Variants in ZP4 observed in about 807,000 individuals in gnomAD.
ZP4 encodes zona pellucida glycoprotein 4.
In ZP4, 62 loss-of-function variants were observed where a neutral mutation model predicts 62.3. The ratio of observed to expected loss-of-function variants is 0.99; its 90% CI spans 0.81 to 1.23. The LOEUF is 1.23. Ranked by LOEUF, ZP4 falls within the 50% of genes most tolerant of loss-of-function variation. The probability of loss-of-function intolerance (pLI) is 0.00; values close to 1 mark genes in which losing one functional copy is unlikely to be tolerated. For synonymous variants in ZP4, 289 were observed against 247.3 expected (o/e 1.17, Z -1.58); for missense variants, 774 against 656.0 (o/e 1.18, Z -1.97).
At position 237,882,436 on chromosome 1, in the gene ZP4, G is replaced by C. The variant is rs1558528945; in HGVS notation, c.1609C>G (p.Gln537Glu). 1.9e-6 allele frequency: 3 copies of C among 1,610,672 alleles called. No homozygotes were observed. Among genetic ancestry groups the C allele is most frequent in the East Asian group, 4.5e-5 (2 of 44,858 alleles). The part of the protein sequence containing the change: ...AVKKQKSCPD[Q>E]MCQ ...ACACTCTGGTTTTATTGACACATTT[G>C]GTCTGGGCAACTCTTCTGTTTCTTG... Residue 537 changes from glutamine to glutamate, a missense_variant, in exon 12 of 12, where the codon CAA becomes GAA. Physicochemically the swap from Gln to Glu is conservative, Grantham distance 29. Transcript: ENST00000366570.
At position 237,888,385 on chromosome 1, in the gene ZP4, C is replaced by T. The variant is rs1216894253; in HGVS notation, c.526G>A (p.Val176Met). 5.0e-6 allele frequency: 8 copies of T among 1,592,122 alleles called. No individual in the cohort carries two copies. The highest frequency in any genetic ancestry group is 1.1e-5 in the South Asian group (1 of 88,782). The change falls in exon 4 of 12, where the codon GTG (valine) becomes ATG (methionine). Residue 176 changes from valine (V) to methionine (M), a missense_variant. Transcript: ENST00000366570. ...GTGTTTCCATAGTAGCAGGAATTCA[C>T]CTCTTCAGAGCTATAACAACAGCCT... ...GLGCCYSSEE[V>M]NSCYYGNTVT...
At position 237,887,551 on chromosome 1, in the gene ZP4, A is replaced by G. The variant is rs201787607; in HGVS notation, c.564T>C (p.His188=). 110 of 1,613,718 alleles carry G rather than the reference A, an allele frequency of 6.8e-5. No homozygotes were observed. Among genetic ancestry groups the G allele is most frequent in the Non-Finnish European group, 1.4e-5 (17 of 1,179,854 alleles). The change falls in exon 5 of 12, where the codon CAT becomes CAC. Residue 188 remains histidine (H), a synonymous_variant. Transcript: ENST00000366570. ...SCYYGNTVTL[H]CTREGHFSIA... ...TAGAGAAATGGCCCTCTCGGGTACA[A>G]TGCAAGGTCACTGAAACAGAGCAGC...
chr1:237,886,157 G>A (rs1324453305), intron 6 of ZP4, among the ~76,000 whole-genome samples: 1 of 152,126 alleles, frequency 6.6e-6, no homozygotes, highest in Non-Finnish European at 1.5e-5. Flanking sequence ...GACCTTAGAG[G>A]TACCCTTGAT....
Position 237,885,393 on chromosome 1 carries a change from C to T in ZP4, c.1158G>A (p.Lys386=), listed in dbSNP as rs1191172907. ...AGGTGTATGAAAGAACCACTTACCCCTTTACCAGGATGGGCCACTGTGGCT... is the reference window on the plus strand; with the variant it reads ...AGGTGTATGAAAGAACCACTTACCCTTTTACCAGGATGGGCCACTGTGGCT... ...LSQPQWPILV[K]GCPYIGDNYQ... Residue 386 remains lysine (K), a splice_region_variant and synonymous_variant, in exon 8 of 12, where the codon AAG becomes AAA. Transcript: ENST00000366570. 3.1e-6 allele frequency: 5 copies of T among 1,611,006 alleles called. No individual in the cohort carries two copies. The Admixed American group carries it at 5.0e-5, about 16-fold the overall frequency.
At chr1:237,890,234 G>C in intron 1 of ZP4, 58 bp from the exon 2 acceptor site, 1 of 1,610,584 alleles carries the variant, frequency 6.2e-7, no homozygotes, top group East Asian at 2.2e-5. Flanking sequence ...TGCCAGAAAG[G>C]ATAGTCAGCC....
chr1:237,888,553 G>T (rs1213873206), intron 3 of ZP4, 43 bp from the exon 4 acceptor site: 1 of 1,547,618 alleles, frequency 6.5e-7, no homozygotes, highest in Admixed American at 1.8e-5. Flanking sequence ...TAATGGAAAA[G>T]TTAGTCTTGA....
At chr1:237,885,084 G>T in intron 9 of ZP4, 81 bp downstream of exon 9, 1 of 1,545,838 alleles carries the variant, frequency 6.5e-7, no homozygotes, top group Non-Finnish European at 8.7e-7. Flanking sequence ...TTCCTTGGCT[G>T]CAGAGTAGTA....
chr1:237,884,911 T>C, intron 9 of ZP4, 64 bp from the exon 10 acceptor site: 6 of 1,538,110 alleles, frequency 3.9e-6, no homozygotes, highest in Non-Finnish European at 5.4e-6. Flanking sequence ...TAAACCTGCT[T>C]TGCCTCCCCA....
In ZP4 at chr1:237,885,553, A is replaced by G. The variant is rs1380937669; in HGVS notation, c.998T>C (p.Val333Ala). ...CAACTTCACCACTGGGTAGTCACCAACACCGTAGTAAGAGCCATAGTTTTT... is the reference window on the plus strand; with the variant it reads ...CAACTTCACCACTGGGTAGTCACCAGCACCGTAGTAAGAGCCATAGTTTTT... ...KDKNYGSYYG[V>A]GDYPVVKLLR... The change falls in exon 8 of 12, where the codon GTT (valine) becomes GCT (alanine). Residue 333 changes from valine (V) to alanine (A), a missense_variant. Transcript: ENST00000366570. 6.2e-6 allele frequency: 10 copies of G among 1,613,844 alleles called. No individual in the cohort carries two copies. Among genetic ancestry groups the G allele is most frequent in the Non-Finnish European group, 8.5e-6 (10 of 1,179,948 alleles).
chr1:237,888,386 C>A lies in ZP4; in HGVS notation c.525G>T (p.Glu175Asp), dbSNP rs772478253. 25 of 1,592,360 alleles carry A rather than the reference C, an allele frequency of 1.6e-5. No homozygotes were observed. The highest frequency in any genetic ancestry group is 1.9e-5 in the Non-Finnish European group (22 of 1,164,720). ...EGLGCCYSSE[E>D]VNSCYYGNTV... is the part of the protein sequence containing the mutation. Reference sequence around the variant, plus strand: ...TGTTTCCATAGTAGCAGGAATTCACCTCTTCAGAGCTATAACAACAGCCTA... The same window carrying A: ...TGTTTCCATAGTAGCAGGAATTCACATCTTCAGAGCTATAACAACAGCCTA... Residue 175 changes from glutamate to aspartate, a missense_variant, in exon 4 of 12, where the codon GAG becomes GAT. Coordinates refer to ENST00000366570, the MANE Select transcript of ZP4 (RefSeq NM_021186.5).
intron 7 of ZP4, 82 bp downstream of exon 7, chr1:237,885,674 C>G: frequency 6.3e-7 from 1 of 1,594,016 alleles, no homozygotes; most frequent in Non-Finnish European, 8.5e-7. Context: ...CCTTAAGTGT[C>G]TTGTTACTAA....
At position 237,884,017 on chromosome 1, in the gene ZP4, A is replaced by ACAAACACACACAAACAC. The variant is rs1665026966; in HGVS notation, c.1390+751_1390+752insGTGTTTGTGTGTGTTTG. ...ACACACACACACACACACACACACA[A>ACAAACACACACAAACAC]ACACACACACACACAAACACACACA... On this transcript the variant is annotated intron_variant, in intron 10 of 11. Coordinates refer to ENST00000366570, the MANE Select transcript of ZP4 (RefSeq NM_021186.5). Among the ~76,000 whole-genome samples, 2 of 87,946 alleles carry ACAAACACACACAAACAC rather than the reference A, an allele frequency of 2.3e-5. 1 individual carries two copies. The highest frequency in any genetic ancestry group is 4.6e-5 in the Non-Finnish European group (2 of 43,692). 57.7% of individuals were successfully genotyped at this position (87,946 alleles called of 152,430 possible). A position where few individuals can be genotyped will look rare whatever the true frequency, so the allele number is the denominator to read the frequency against.
At chr1:237,883,623 AGAGAGG>A (rs1451729590) in intron 10 of ZP4, among the ~76,000 whole-genome samples, 1,361 of 44,006 alleles carry the variant, frequency 0.031, 71 homozygotes, top group East Asian at 0.099. Flanking sequence ...CTGAGGTGGG[AGAGAGG>A]GGGAGGGGGA....
At chr1:237,889,011 G>A (rs1350265884) in intron 3 of ZP4, among the ~76,000 whole-genome samples, 1 of 152,144 alleles carries the variant, frequency 6.6e-6, no homozygotes, top group African/African-American at 2.4e-5. Flanking sequence ...TGACTTTGAG[G>A]ACGGGCTCTC....
At chr1:237,889,764 A>G in intron 3 of ZP4, 103 bp downstream of exon 3, 2 of 971,038 alleles carry the variant, frequency 2.1e-6, no homozygotes, top group Non-Finnish European at 3.3e-6. Context: ...TTCCTTCATT[A>G]GTGTCAGGTG....
chr1:237,884,017 A>AACACACACACACACAAACACACACACAC (rs1665027532), intron 10 of ZP4, among the ~76,000 whole-genome samples: 2 of 87,946 alleles, frequency 2.3e-5, no homozygotes, highest in Non-Finnish European at 4.6e-5. Flanking sequence ...CACACACACA[A>AACACACACACACACAAACACACACACAC]ACACACACAC....
At chr1:237,887,725 C>A (rs888144550) in intron 4 of ZP4, among the ~76,000 whole-genome samples, 164 bp from the exon 5 acceptor site, 3 of 152,180 alleles carry the variant, frequency 2.0e-5, no homozygotes, top group African/African-American at 7.2e-5. Flanking sequence ...TTAACCCAGG[C>A]TCTAAATGAT....
chr1:237,882,407 G>T lies in ZP4; in HGVS notation c.*15C>A. 1 of 1,609,622 alleles carries T rather than the reference G, an allele frequency of 6.2e-7. No individual in the cohort carries two copies. Among genetic ancestry groups the T allele is most frequent in the Non-Finnish European group, 8.5e-7 (1 of 1,179,092 alleles). Reference sequence around the variant, plus strand: ...AAATGAGAAGCTCAGCACAGGCTGGGAATACACTCTGGTTTTATTGACACA... The same window carrying T: ...AAATGAGAAGCTCAGCACAGGCTGGTAATACACTCTGGTTTTATTGACACA... On this transcript the variant is annotated 3_prime_UTR_variant, in exon 12 of 12. Coordinates refer to ENST00000366570, the MANE Select transcript of ZP4 (RefSeq NM_021186.5).
Position 237,888,340 on chromosome 1 carries a change from G to T in ZP4, c.553+18C>A. On this transcript the variant is annotated intron_variant, in intron 4 of 11. Coordinates refer to ENST00000366570, the MANE Select transcript of ZP4 (RefSeq NM_021186.5). ...CACACTTCCTCAGCTGGTTTCAGAG[G>T]TGTGCTCACTTACTCACCAGTGTTT... 1 of 1,551,700 alleles carries T rather than the reference G, an allele frequency of 6.4e-7. No homozygotes were observed. Among genetic ancestry groups the T allele is most frequent in the Non-Finnish European group, 8.8e-7 (1 of 1,139,036 alleles).
Sources: allele counts gnomAD v4.1 joint callset (sites outside exome capture counted in the v4.1 genomes callset), GRCh38; gene constraint gnomAD v4.1.1; transcripts MANE v1.5; gene names NCBI Gene and HGNC (gene_info 2026-07-23, HGNC 2026-07-21).